Variants in IQCM observed in about 807,000 individuals in gnomAD.
IQCM encodes the protein IQ motif containing M.
A neutral mutation model predicts 57.6 loss-of-function variants in IQCM; 45 were observed. The ratio of observed to expected loss-of-function variants is 0.78; its 90% CI spans 0.62 to 1.00. The LOEUF (loss-of-function observed/expected upper bound fraction) is 1.00. IQCM is among the 50% of genes least tolerant of loss of function. IQCM has a pLI of 0.00. For synonymous variants in IQCM, 148 were observed against 158.9 expected (o/e 0.93, Z 0.51); for missense variants, 468 against 511.6 (o/e 0.91, Z 0.82).
At chr4:149,403,289 A>AT (rs1578940784) in intron 13 of IQCM, among the ~76,000 whole-genome samples, 1 of 152,094 alleles carries the variant, frequency 6.6e-6, no homozygotes, top group East Asian at 1.9e-4. Flanking sequence ...AACAGCAGGA[A>AT]TACAAATTAT....
chr4:149,688,064 A>G (rs146886439), intron 5 of IQCM, among the ~76,000 whole-genome samples: 101 of 152,082 alleles, frequency 6.6e-4, no homozygotes, highest in Non-Finnish European at 1.3e-3. Flanking sequence ...CACTCTTACC[A>G]TTCCTCTTCA....
At chr4:149,420,340 C>G (rs1289725410) in intron 13 of IQCM, among the ~76,000 whole-genome samples, 4 of 151,656 alleles carry the variant, frequency 2.6e-5, no homozygotes, top group Non-Finnish European at 5.9e-5. Context: ...ATGTCCTTTG[C>G]AAGAACACGG....
At chr4:149,499,138 T>C (rs946271147) in intron 12 of IQCM, among the ~76,000 whole-genome samples, 2 of 152,134 alleles carry the variant, frequency 1.3e-5, no homozygotes, top group African/African-American at 4.8e-5. Context: ...AAAGCATATA[T>C]TCAATTTTCC....
chr4:149,621,723 G>A (rs892384736), intron 7 of IQCM, among the ~76,000 whole-genome samples: 4 of 152,114 alleles, frequency 2.6e-5, no homozygotes, highest in African/African-American at 2.4e-5. Flanking sequence ...TAAATAGGTC[G>A]AAAGCACAAA....
chr4:149,808,025 T>C (rs1774236892), intron 2 of IQCM, among the ~76,000 whole-genome samples: 1 of 152,034 alleles, frequency 6.6e-6, no homozygotes. Flanking sequence ...CTCAAAAAAC[T>C]AAAAATAGAA....
chr4:149,438,758 A>T (rs1168645937), intron 12 of IQCM, among the ~76,000 whole-genome samples: 1 of 152,084 alleles, frequency 6.6e-6, no homozygotes, highest in African/African-American at 2.4e-5. Flanking sequence ...AAGCTGAAAG[A>T]TCATTCTTAA....
At chr4:149,385,431 T>C (rs1433774097) in intron 13 of IQCM, among the ~76,000 whole-genome samples, 1 of 152,016 alleles carries the variant, frequency 6.6e-6, no homozygotes, top group Non-Finnish European at 1.5e-5. Context: ...TCAATAGAGG[T>C]GACCCTTGAG....
At chr4:149,469,580 C>T (rs1030474638) in intron 12 of IQCM, among the ~76,000 whole-genome samples, 1 of 152,186 alleles carries the variant, frequency 6.6e-6, no homozygotes, top group African/African-American at 2.4e-5. Context: ...CTTCCCCAAC[C>T]TAGTGAGGCA....
At chr4:149,354,389 A>AAAAAAAAAAAC (rs1728811485) in intron 13 of IQCM, among the ~76,000 whole-genome samples, 1 of 143,780 alleles carries the variant, frequency 7.0e-6, no homozygotes, top group South Asian at 2.3e-4. Flanking sequence ...AAAAAAAAAA[A>AAAAAAAAAAAC]CTGACAAATT....
intron 7 of IQCM, among the ~76,000 whole-genome samples, chr4:149,665,732 T>C (rs897621687): frequency 6.6e-6 from 1 of 152,134 alleles, no homozygotes; most frequent in African/African-American, 2.4e-5. Flanking sequence ...TAATTTCATA[T>C]GGAACTGTAT....
intron 13 of IQCM, chr4:149,429,800 G>T (rs569113692): frequency 5.3e-5 from 20 of 379,482 alleles, no homozygotes; most frequent in South Asian, 1.4e-4. Flanking sequence ...CAAATCTCTT[G>T]TCAGTCAATT....
At chr4:149,440,161 T>C (rs1314091726) in intron 12 of IQCM, among the ~76,000 whole-genome samples, 1 of 130,996 alleles carries the variant, frequency 7.6e-6, no homozygotes, top group Admixed American at 8.3e-5. Context: ...AGAGACGGGG[T>C]TTCTCCATGT....
chr4:149,716,660 T>C (rs1765030252), intron 5 of IQCM, among the ~76,000 whole-genome samples: 1 of 152,206 alleles, frequency 6.6e-6, no homozygotes, highest in Admixed American at 6.5e-5. Flanking sequence ...GGGCTGCTGC[T>C]GCCATTGCTA....
At chr4:149,712,011 C>T (rs1303921521) in intron 5 of IQCM, among the ~76,000 whole-genome samples, 1 of 152,154 alleles carries the variant, frequency 6.6e-6, no homozygotes, top group African/African-American at 2.4e-5. Flanking sequence ...GATTCATTAA[C>T]TGCAATGGGA....
At chr4:149,783,983 G>A (rs1771851027) in intron 2 of IQCM, among the ~76,000 whole-genome samples, 1 of 152,176 alleles carries the variant, frequency 6.6e-6, no homozygotes, top group South Asian at 2.1e-4. Context: ...ATGCAGGCTG[G>A]CTAGTTCATT....
At chr4:149,534,982 G>A (rs538498375) in intron 12 of IQCM, among the ~76,000 whole-genome samples, 13 of 152,076 alleles carry the variant, frequency 8.5e-5, no homozygotes, top group Admixed American at 2.6e-4. Flanking sequence ...AATTTATATC[G>A]TGCATGACAG....
At chr4:149,595,565 A>G (rs1300152002) in intron 8 of IQCM, among the ~76,000 whole-genome samples, 1 of 152,180 alleles carries the variant, frequency 6.6e-6, no homozygotes, top group African/African-American at 2.4e-5. Context: ...TTTGCCCTGA[A>G]GAAGTCAGTC....
chr4:149,735,571 T>C, intron 3 of IQCM, 113 bp from the exon 4 acceptor site: 1 of 455,084 alleles, frequency 2.2e-6, no homozygotes, highest in East Asian at 3.6e-5. Context: ...ACATAATATT[T>C]TGCTTTTAAG....
intron 9 of IQCM, among the ~76,000 whole-genome samples, chr4:149,571,542 G>C (rs1751159976): frequency 6.6e-6 from 1 of 151,988 alleles, no homozygotes. Context: ...TATTTACATA[G>C]GCGGAATAAG....
Sources: allele counts gnomAD v4.1 joint callset (sites outside exome capture counted in the v4.1 genomes callset), GRCh38; gene constraint gnomAD v4.1.1; transcripts MANE v1.5; gene names NCBI Gene and HGNC (gene_info 2026-07-23, HGNC 2026-07-21).